Variants in MAPK10 observed in about 807,000 individuals in gnomAD.
MAPK10 encodes the protein JNK3 alpha protein kinase.
Under a neutral mutation model 59.3 loss-of-function variants are expected in MAPK10, and 25 were observed. The observed-to-expected ratio is 0.42, with a 90% CI of 0.31 to 0.59. The LOEUF (loss-of-function observed/expected upper bound fraction) is 0.59, where lower values mean the gene tolerates loss of function less well. MAPK10 is among the 20% of genes least tolerant of loss of function. The probability of loss-of-function intolerance (pLI) is 0.15; values close to 1 mark genes in which losing one functional copy is unlikely to be tolerated. For missense variants in MAPK10, 351 were observed against 568.9 expected (o/e 0.62, Z 3.90); for synonymous variants, 190 against 200.5 (o/e 0.95, Z 0.44).
intron 9 of MAPK10, among the ~76,000 whole-genome samples, chr4:86,069,443 T>G (rs2047359110): frequency 6.6e-6 from 1 of 152,064 alleles, no homozygotes; most frequent in Non-Finnish European, 1.5e-5. Context: ...GCTCATCTAA[T>G]TATCATGTGC....
chr4:86,134,977 C>G (rs143568196), intron 4 of MAPK10, among the ~76,000 whole-genome samples: 2 of 152,138 alleles, frequency 1.3e-5, no homozygotes, highest in African/African-American at 4.8e-5. Flanking sequence ...GCTTTTCCGA[C>G]GGGCTTAAAA....
chr4:86,333,296 T>C (rs529192364), intron 2 of MAPK10, among the ~76,000 whole-genome samples: 26 of 152,266 alleles, frequency 1.7e-4, no homozygotes, highest in African/African-American at 5.3e-4. Flanking sequence ...TTCATTCCTC[T>C]CATAAAGAAC....
chr4:86,074,041 A>T (rs1388801288), intron 9 of MAPK10, among the ~76,000 whole-genome samples: 2 of 96,306 alleles, frequency 2.1e-5, no homozygotes, highest in African/African-American at 4.8e-5. Flanking sequence ...GTCTCTTTGT[A>T]GGTCACTCAG....
At chr4:86,288,130 T>C (rs2095089730) in intron 2 of MAPK10, among the ~76,000 whole-genome samples, 3 of 152,140 alleles carry the variant, frequency 2.0e-5, no homozygotes. Flanking sequence ...ATGGGTAAAA[T>C]AAGACATTTG....
intron 1 of MAPK10, among the ~76,000 whole-genome samples, chr4:86,400,012 G>A (rs770083670): frequency 3.3e-5 from 5 of 152,058 alleles, no homozygotes; most frequent in Non-Finnish European, 2.9e-5. Flanking sequence ...ACATGATGCC[G>A]CTGAAGCTTT....
At chr4:86,593,789 G>C (rs1032069315) in intron 1 of MAPK10, 3 of 152,146 alleles carry the variant, frequency 2.0e-5, no homozygotes, top group African/African-American at 7.2e-5. Flanking sequence ...GCAAGGAGCT[G>C]GCAAAGCCAT....
chr4:86,438,915 T>C (rs1749092837), intron 1 of MAPK10, among the ~76,000 whole-genome samples: 1 of 152,098 alleles, frequency 6.6e-6, no homozygotes, highest in Non-Finnish European at 1.5e-5. Context: ...GGGCCTACTT[T>C]AGTATCCCAA....
At chr4:86,414,914 AC>A (rs1362935873) in intron 1 of MAPK10, among the ~76,000 whole-genome samples, 1 of 151,836 alleles carries the variant, frequency 6.6e-6, no homozygotes, top group African/African-American at 2.4e-5. Flanking sequence ...ATTGCATTCC[AC>A]CCTCTGAGCA....
At chr4:86,515,115 T>C (rs959904847) in intron 1 of MAPK10, among the ~76,000 whole-genome samples, 2 of 152,220 alleles carry the variant, frequency 1.3e-5, no homozygotes, top group Admixed American at 6.5e-5. Context: ...GTTTCCATTC[T>C]TGAGTTACTT....
intron 2 of MAPK10, among the ~76,000 whole-genome samples, chr4:86,201,997 T>G (rs1337638600): frequency 6.6e-6 from 1 of 151,920 alleles, no homozygotes; most frequent in Non-Finnish European, 1.5e-5. Context: ...ACACACATTA[T>G]AGACCTCATA....
intron 11 of MAPK10, among the ~76,000 whole-genome samples, chr4:86,038,941 A>T (rs1209337915): frequency 6.6e-6 from 1 of 152,124 alleles, no homozygotes; most frequent in Non-Finnish European, 1.5e-5. Flanking sequence ...ATTACCAAAA[A>T]CTTCATTGCC....
intron 1 of MAPK10, among the ~76,000 whole-genome samples, chr4:86,581,851 G>A (rs1321915531): frequency 1.4e-5 from 2 of 138,092 alleles, no homozygotes; most frequent in East Asian, 4.2e-4. Context: ...TTATTTGCTG[G>A]CACTGATAAG....
At chr4:86,346,416 C>T (rs1337739861) in intron 2 of MAPK10, among the ~76,000 whole-genome samples, 1 of 152,104 alleles carries the variant, frequency 6.6e-6, no homozygotes, top group East Asian at 1.9e-4. Flanking sequence ...AGTTATTATA[C>T]TGTATTGTTT....
At chr4:86,211,308 A>C (rs1357467034) in intron 2 of MAPK10, among the ~76,000 whole-genome samples, 1 of 151,000 alleles carries the variant, frequency 6.6e-6, no homozygotes, top group Non-Finnish European at 1.5e-5. Context: ...GCCAAAGACA[A>C]AGAGAGAATA....
intron 11 of MAPK10, among the ~76,000 whole-genome samples, chr4:86,050,662 G>C (rs193292530): frequency 7.9e-5 from 12 of 152,214 alleles, no homozygotes; most frequent in African/African-American, 2.2e-4. Flanking sequence ...TCTTGGGGGA[G>C]CTATTCATTA....
At chr4:86,572,859 G>T (rs1030840966) in intron 1 of MAPK10, among the ~76,000 whole-genome samples, 11 of 152,120 alleles carry the variant, frequency 7.2e-5, no homozygotes, top group African/African-American at 2.7e-4. Flanking sequence ...GGTATATAAT[G>T]ATATTCATCT....
chr4:86,472,561 T>G (rs529699230), intron 1 of MAPK10, among the ~76,000 whole-genome samples: 1 of 152,236 alleles, frequency 6.6e-6, no homozygotes, highest in Non-Finnish European at 1.5e-5. Flanking sequence ...GGAGGATCAC[T>G]TGAGCCAGGC....
chr4:86,552,601 G>A (rs1358556891), intron 1 of MAPK10, among the ~76,000 whole-genome samples: 1 of 152,116 alleles, frequency 6.6e-6, no homozygotes, highest in Non-Finnish European at 1.5e-5. Context: ...GAACCTACTT[G>A]TGGGGAGACA....
At chr4:86,083,985 C>A (rs1222783433) in intron 9 of MAPK10, among the ~76,000 whole-genome samples, 1 of 152,128 alleles carries the variant, frequency 6.6e-6, no homozygotes, top group Non-Finnish European at 1.5e-5. Flanking sequence ...AACAGAAAGA[C>A]CCAGTCATAT....
Sources: gnomAD v4.1 joint callset for allele counts (sites outside exome capture counted in the v4.1 genomes callset) on GRCh38, gnomAD v4.1.1 for gene constraint, MANE v1.5 for transcripts, NCBI Gene and HGNC (gene_info 2026-07-23, HGNC 2026-07-21) for gene names.